UBE2F: variants seen among roughly 807,000 people sequenced by gnomAD.
The protein encoded by UBE2F is NEDD8-conjugating enzyme UBE2F.
UBE2F carries 5 observed loss-of-function variants against 29.6 expected under a neutral mutation model. The observed-to-expected ratio is 0.17, with a 90% CI of 0.09 to 0.36. The LOEUF (loss-of-function observed/expected upper bound fraction) is 0.36. UBE2F is among the 10% of genes least tolerant of loss of function. The pLI, the probability that UBE2F is intolerant of heterozygous loss-of-function variation, is 1.00. For missense variants in UBE2F, 141 were observed against 228.5 expected (o/e 0.62, Z 2.47); for synonymous variants, 66 against 81.8 (o/e 0.81, Z 1.04).
intron 7 of UBE2F, among the ~76,000 whole-genome samples, chr2:238,031,039 T>C (rs2064563649): frequency 6.6e-6 from 1 of 152,192 alleles, no homozygotes; most frequent in African/African-American, 2.4e-5. Context: ...GTACCTAACA[T>C]CAGGCAGGGA....
intron 4 of UBE2F, among the ~76,000 whole-genome samples, chr2:237,998,321 C>T (rs968836620): frequency 6.6e-6 from 1 of 152,200 alleles, no homozygotes; most frequent in Non-Finnish European, 1.5e-5. Context: ...TTGCCCCCTA[C>T]ACCACCATCC....
At chr2:237,988,642 G>T (rs912816055) in intron 3 of UBE2F, among the ~76,000 whole-genome samples, 1 of 151,104 alleles carries the variant, frequency 6.6e-6, no homozygotes. Context: ...AAAGAGCAAG[G>T]TTCTGCCACC....
chr2:237,967,058 G>A lies in UBE2F; in HGVS notation c.-91G>A, dbSNP rs992177132. 3.0e-6 allele frequency: 4 copies of A among 1,318,170 alleles called. No homozygotes were observed. The highest frequency in any genetic ancestry group is 3.1e-5 in the African/African-American group (2 of 64,822). The allele number at this position is 1,318,170 out of a possible 1,614,324, so 81.7% of individuals were successfully genotyped here. The stretch of plus-strand genomic sequence containing the variant: ...GGAGCCGGTGCGGCTGTGAGGGGCC[G>A]CGTCTCGCAGCAGCCGCCCGGACCG... On this transcript the variant is annotated 5_prime_UTR_variant, in exon 1 of 10. Coordinates refer to ENST00000272930, the MANE Select transcript of UBE2F (RefSeq NM_080678.3). The surrounding 1 kb of genome is among the most constrained non-coding windows in gnomAD (Gnocchi z 6.3).
chr2:238,003,475 C>T, intron 4 of UBE2F: 1 of 462,592 alleles, frequency 2.2e-6, no homozygotes, highest in African/African-American at 2.0e-5. Flanking sequence ...TGTCCCCTGC[C>T]TTAAATGTAA....
At chr2:238,002,714 C>T (rs752029776) in intron 4 of UBE2F, among the ~76,000 whole-genome samples, 8 of 152,142 alleles carry the variant, frequency 5.3e-5, no homozygotes, top group South Asian at 2.1e-4. Flanking sequence ...TGGGTTCAAG[C>T]GATTCTCCTG....
chr2:238,008,460 A>T (rs2063951697), intron 4 of UBE2F, among the ~76,000 whole-genome samples: 2 of 152,168 alleles, frequency 1.3e-5, no homozygotes, highest in South Asian at 2.1e-4. Context: ...TTATTGATAT[A>T]ATGTTCTTAG....
chr2:238,012,274 G>T (rs1435915067), intron 4 of UBE2F, among the ~76,000 whole-genome samples: 1 of 152,148 alleles, frequency 6.6e-6, no homozygotes, highest in Non-Finnish European at 1.5e-5. Flanking sequence ...GAAGCCACCT[G>T]ACTTGGAGAA....
intron 2 of UBE2F, chr2:237,986,167 G>A (rs767393898): frequency 2.7e-6 from 1 of 377,174 alleles, no homozygotes; most frequent in South Asian, 1.9e-5. Flanking sequence ...TTGAGACGGG[G>A]TCTCACTCTG....
chr2:237,981,253 C>T (rs981049062), intron 2 of UBE2F, among the ~76,000 whole-genome samples: 3 of 152,192 alleles, frequency 2.0e-5, no homozygotes, highest in Non-Finnish European at 2.9e-5. Context: ...AGTCTTACTG[C>T]ACCTTGACTC....
At chr2:237,997,655 G>A (rs1448257357) in intron 4 of UBE2F, among the ~76,000 whole-genome samples, 1 of 152,170 alleles carries the variant, frequency 6.6e-6, no homozygotes, top group Non-Finnish European at 1.5e-5. Context: ...TCTATGATCT[G>A]GGGGTTAGAA....
At chr2:237,974,946 G>C (rs1356318274) in intron 2 of UBE2F, among the ~76,000 whole-genome samples, 1 of 146,564 alleles carries the variant, frequency 6.8e-6, no homozygotes, top group African/African-American at 2.5e-5. Context: ...ACTGTGCCCG[G>C]CCATAAATGG....
At chr2:237,991,421 GT>G (rs1258272781) in intron 3 of UBE2F, among the ~76,000 whole-genome samples, 1 of 152,074 alleles carries the variant, frequency 6.6e-6, no homozygotes, top group Non-Finnish European at 1.5e-5. Context: ...GCACATGCAA[GT>G]TTTTAGCGGT....
intron 3 of UBE2F, among the ~76,000 whole-genome samples, chr2:237,988,729 CCCGCAT>C (rs768277452): frequency 5.3e-5 from 8 of 152,042 alleles, no homozygotes; most frequent in Non-Finnish European, 1.0e-4. Flanking sequence ...TGCATTCTGT[CCCGCAT>C]CCACTTTGAG....
chr2:238,038,046 C>T (rs554814300), intron 9 of UBE2F, among the ~76,000 whole-genome samples: 16 of 152,336 alleles, frequency 1.1e-4, no homozygotes, highest in African/African-American at 3.8e-4. Context: ...GTCCTCGCTA[C>T]AGTCTTGAGC....
At chr2:237,974,092 C>T (rs2063226418) in intron 2 of UBE2F, among the ~76,000 whole-genome samples, 1 of 151,956 alleles carries the variant, frequency 6.6e-6, no homozygotes, top group Non-Finnish European at 1.5e-5. Flanking sequence ...CTCCTGGGTT[C>T]CAGCAATTCT....
intron 4 of UBE2F, among the ~76,000 whole-genome samples, chr2:238,015,688 T>A (rs528506540): frequency 1.3e-5 from 2 of 152,330 alleles, no homozygotes; most frequent in Admixed American, 6.5e-5. Context: ...TTAATATTAC[T>A]GGTTTGTTCA....
At chr2:238,015,511 A>T (rs1420007856) in intron 4 of UBE2F, among the ~76,000 whole-genome samples, 1 of 152,162 alleles carries the variant, frequency 6.6e-6, no homozygotes, top group Non-Finnish European at 1.5e-5. Flanking sequence ...AAAGAAAAAA[A>T]ATGTTAGGGT....
intron 2 of UBE2F, among the ~76,000 whole-genome samples, chr2:237,984,634 A>G (rs574437954): frequency 7.4e-4 from 112 of 152,292 alleles, no homozygotes; most frequent in African/African-American, 2.6e-3. Flanking sequence ...AGAGCACACT[A>G]CTTTCTGTCT....
At chr2:237,985,564 A>G (rs1302235078) in intron 2 of UBE2F, among the ~76,000 whole-genome samples, 1 of 152,248 alleles carries the variant, frequency 6.6e-6, no homozygotes, top group Non-Finnish European at 1.5e-5. Flanking sequence ...GTTCCAACAT[A>G]TATACTGTGT....
Sources: gnomAD v4.1 joint callset for allele counts (sites outside exome capture counted in the v4.1 genomes callset) on GRCh38, gnomAD v4.1.1 for gene constraint, Gnocchi (gnomAD v3.1) non-coding constraint, MANE v1.5 for transcripts, NCBI Gene and HGNC (gene_info 2026-07-23, HGNC 2026-07-21) for gene names.